Variants in CPNE4 observed in about 807,000 individuals in gnomAD.
CPNE4 encodes copine-4.
A neutral mutation model predicts 67.9 loss-of-function variants in CPNE4; 25 were observed. That is an observed-to-expected ratio of 0.37 (90% CI 0.27 to 0.51). The LOEUF is 0.51. CPNE4 is among the 20% of genes least tolerant of loss of function. The pLI, the probability that CPNE4 is intolerant of heterozygous loss-of-function variation, is 0.93. For synonymous variants in CPNE4, 242 were observed against 244.9 expected, an observed-to-expected ratio of 0.99 and a Z score of 0.11; for missense variants, 464 against 690.8, an observed-to-expected ratio of 0.67 and a Z score of 3.68.
rs139329032 is a variant in CPNE4, at chr3:131,761,413, C to T, written c.181-37788G>A. On this transcript the variant is annotated intron_variant, in intron 2 of 15. Transcript: ENST00000429747. The stretch of plus-strand genomic sequence containing the variant: ...CTATCCTCATTCTTAATCAGATTAC[C>T]AAAGTCACAAAACACTTGAGAAAAA... Among the ~76,000 whole-genome samples the T allele has an allele frequency of 8.5e-3, 1,296 of 151,788 alleles. 16 individuals are homozygous for T. The highest frequency in any genetic ancestry group is 0.029 in the African/African-American group (1,200 of 41,360).
At chr3:131,745,009 G>A (rs1323280504) in intron 2 of CPNE4, among the ~76,000 whole-genome samples, 2 of 152,168 alleles carry the variant, frequency 1.3e-5, no homozygotes, top group Non-Finnish European at 2.9e-5. Context: ...AAACTGACAA[G>A]CTGTTTTGAA....
intron 1 of CPNE4, among the ~76,000 whole-genome samples, chr3:131,975,510 G>A (rs973791516): frequency 1.3e-5 from 2 of 152,208 alleles, no homozygotes; most frequent in Non-Finnish European, 2.9e-5. Flanking sequence ...GACAAGCCCT[G>A]AGTGCAGCTG....
At chr3:131,610,956 G>T (rs562545703) in intron 7 of CPNE4, among the ~76,000 whole-genome samples, 4 of 152,114 alleles carry the variant, frequency 2.6e-5, no homozygotes, top group Admixed American at 1.3e-4. Flanking sequence ...TTGGATGCAG[G>T]TTATCTCTTT....
intron 2 of CPNE4, among the ~76,000 whole-genome samples, chr3:131,797,967 T>A (rs990976525): frequency 6.6e-6 from 1 of 152,136 alleles, no homozygotes; most frequent in African/African-American, 2.4e-5. Flanking sequence ...CCAGTGAGGG[T>A]TCTCTTCCTG....
chr3:131,774,318 C>A (rs968705064), intron 2 of CPNE4, among the ~76,000 whole-genome samples: 1 of 148,778 alleles, frequency 6.7e-6, no homozygotes, highest in Non-Finnish European at 1.5e-5. Flanking sequence ...AATATATTTT[C>A]TACGCTGAAA....
intron 2 of CPNE4, among the ~76,000 whole-genome samples, chr3:131,793,158 C>T (rs1245566067): frequency 6.6e-6 from 1 of 152,022 alleles, no homozygotes; most frequent in Admixed American, 6.6e-5. Flanking sequence ...ACCTTAATAA[C>T]ATTTCTCATA....
At chr3:132,006,366 A>G (rs1195475143) in intron 1 of CPNE4, among the ~76,000 whole-genome samples, 2 of 152,126 alleles carry the variant, frequency 1.3e-5, no homozygotes, top group Non-Finnish European at 2.9e-5. Context: ...AATCAAGCAT[A>G]TAACTTGAAA....
intron 2 of CPNE4, among the ~76,000 whole-genome samples, chr3:131,899,880 T>A (rs1560565150): frequency 6.6e-6 from 1 of 152,072 alleles, no homozygotes; most frequent in Non-Finnish European, 1.5e-5. Context: ...CCCACTATTA[T>A]CCCAAGCATG....
rs367862690 is a variant in CPNE4, at chr3:131,735,773, CTGTT to C, written c.181-12152_181-12149del. Reference sequence around the variant, plus strand: ...TGCTTGGCAAAGTGCCAACAACATACTGTTTGTTCAGTATTTTTTATTATATTAA... The same window carrying C: ...TGCTTGGCAAAGTGCCAACAACATACTGTTCAGTATTTTTTATTATATTAA... On this transcript the variant is annotated intron_variant, in intron 2 of 15. Coordinates refer to ENST00000429747, the MANE Select transcript of CPNE4 (RefSeq NM_130808.3). Among the ~76,000 whole-genome samples the C allele has an allele frequency of 3.8e-3, 576 of 152,318 alleles. 5 individuals carry two copies. The highest frequency in any genetic ancestry group is 0.013 in the African/African-American group (558 of 41,572).
chr3:131,995,015 GTTGT>G (rs766834504), intron 1 of CPNE4, among the ~76,000 whole-genome samples: 27 of 152,044 alleles, frequency 1.8e-4, no homozygotes, highest in African/African-American at 4.6e-4. Context: ...AAAGGGTCTT[GTTGT>G]TTGTTTGTTT....
intron 5 of CPNE4, among the ~76,000 whole-genome samples, chr3:131,689,009 G>A (rs900525471): frequency 6.6e-6 from 1 of 151,898 alleles, no homozygotes; most frequent in Admixed American, 6.6e-5. Flanking sequence ...AATGAATTAG[G>A]CAAGAAGTTA....
rs1274634077 is a variant in CPNE4 at position 131,834,190 on chromosome 3, A to G, written c.180+71074T>C. On this transcript the variant is annotated intron_variant, in intron 2 of 15. Transcript: ENST00000429747. ...ACTACAGTGAAAGCTTGTGGTTTAA[A>G]TTCCCTTTTTAGATTTTATAATAAC... 3.3e-5 allele frequency among the ~76,000 whole-genome samples: 5 copies of G among 152,314 alleles called. No individual in the cohort carries two copies. In the East Asian group the frequency reaches 9.6e-4, roughly 29 times the overall value.
intron 1 of CPNE4, among the ~76,000 whole-genome samples, chr3:132,016,167 G>T (rs779723586): frequency 6.6e-6 from 1 of 152,072 alleles, no homozygotes; most frequent in African/African-American, 2.4e-5. Context: ...AGCACGCCAC[G>T]TATTACACCC....
chr3:131,580,397 TACA>T (rs1937731620), intron 9 of CPNE4, among the ~76,000 whole-genome samples: 2 of 20,676 alleles, frequency 9.7e-5, no homozygotes, highest in Non-Finnish European at 5.9e-4. Context: ...TCTATACATA[TACA>T]TATACATATA....
intron 2 of CPNE4, among the ~76,000 whole-genome samples, chr3:131,724,924 T>G (rs1056077636): frequency 1.3e-5 from 2 of 152,222 alleles, no homozygotes; most frequent in African/African-American, 2.4e-5. Context: ...CCATTTATAT[T>G]TTGGGAAGCT....
chr3:131,588,677 C>A (rs570820164), intron 7 of CPNE4, among the ~76,000 whole-genome samples: 13 of 152,106 alleles, frequency 8.5e-5, no homozygotes, highest in African/African-American at 3.1e-4. Context: ...AAATTTATTC[C>A]TACTCATTTA....
chr3:131,862,021 A>G (rs962683538), intron 2 of CPNE4, among the ~76,000 whole-genome samples: 1 of 152,244 alleles, frequency 6.6e-6, no homozygotes, highest in Non-Finnish European at 1.5e-5. Flanking sequence ...GAATTTATTC[A>G]AGTCCCAGTA....
At chr3:131,574,347 T>C (rs905394179) in intron 10 of CPNE4, among the ~76,000 whole-genome samples, 11 of 152,238 alleles carry the variant, frequency 7.2e-5, no homozygotes, top group Admixed American at 2.6e-4. Flanking sequence ...TAGGAGAATT[T>C]TGAATATTAA....
At chr3:131,784,038 T>C (rs1052043249) in intron 2 of CPNE4, among the ~76,000 whole-genome samples, 2 of 152,090 alleles carry the variant, frequency 1.3e-5, no homozygotes, top group African/African-American at 4.8e-5. Context: ...AAATATACAA[T>C]ATAGTTTTAA....
Sources: gnomAD v4.1 joint callset for allele counts (sites outside exome capture counted in the v4.1 genomes callset) on GRCh38, gnomAD v4.1.1 for gene constraint, MANE v1.5 for transcripts, NCBI Gene and HGNC (gene_info 2026-07-23, HGNC 2026-07-21) for gene names.